The following XKR4 variants were observed in gnomAD, a reference collection of about 807,000 sequenced individuals.
The protein encoded by XKR4 is XK related 4.
A neutral mutation model predicts 53.9 loss-of-function variants in XKR4; 12 were observed. That is an observed-to-expected ratio of 0.22 (90% CI 0.14 to 0.36). The LOEUF is 0.36. Ranked by LOEUF, XKR4 falls within the 10% of genes least tolerant of loss-of-function variation. The probability of loss-of-function intolerance (pLI) is 1.00; values close to 1 mark genes in which losing one functional copy is unlikely to be tolerated. For synonymous variants in XKR4, 354 were observed against 362.4 expected (o/e 0.98, Z 0.26); for missense variants, 799 against 859.5 (o/e 0.93, Z 0.88).
At chr8:55,470,311 G>A (rs1237655720) in intron 2 of XKR4, among the ~76,000 whole-genome samples, 3 of 152,092 alleles carry the variant, frequency 2.0e-5, no homozygotes, top group African/African-American at 7.3e-5. Flanking sequence ...TTTAATTGTA[G>A]CTCTCATAAT....
At chr8:55,111,621 C>G (rs1209642912) in intron 1 of XKR4, among the ~76,000 whole-genome samples, 1 of 152,168 alleles carries the variant, frequency 6.6e-6, no homozygotes, top group East Asian at 1.9e-4. Context: ...TCATTAAAAA[C>G]ACATATCTAC....
At chr8:55,451,163 CG>C in intron 2 of XKR4, 5 of 535,580 alleles carry the variant, frequency 9.3e-6, no homozygotes, top group South Asian at 2.1e-5. Context: ...GGTCGGGGGC[CG>C]GGGGACACCC....
intron 2 of XKR4, among the ~76,000 whole-genome samples, chr8:55,465,297 C>T (rs1310239538): frequency 3.9e-5 from 6 of 152,028 alleles, no homozygotes; most frequent in Non-Finnish European, 7.3e-5. Flanking sequence ...AGATATAGAC[C>T]AAAGGAACAT....
At chr8:55,428,286 T>C (rs1036059556) in intron 2 of XKR4, among the ~76,000 whole-genome samples, 7 of 152,172 alleles carry the variant, frequency 4.6e-5, no homozygotes, top group African/African-American at 9.7e-5. Context: ...CCCTGAGTTT[T>C]CTTTTTGCCT....
chr8:55,430,325 A>G (rs1352144811), intron 2 of XKR4, among the ~76,000 whole-genome samples: 2 of 152,218 alleles, frequency 1.3e-5, no homozygotes, highest in African/African-American at 2.4e-5. Flanking sequence ...AATTAAAAAT[A>G]TGTCCACACA....
intron 1 of XKR4, among the ~76,000 whole-genome samples, chr8:55,107,301 A>T (rs1052187429): frequency 6.6e-6 from 1 of 152,150 alleles, no homozygotes. Context: ...TGTAGTTAGG[A>T]TTAAAAACGG....
At chr8:55,403,007 C>T (rs1008236444) in intron 2 of XKR4, among the ~76,000 whole-genome samples, 6 of 152,114 alleles carry the variant, frequency 3.9e-5, no homozygotes, top group Non-Finnish European at 5.9e-5. Context: ...GGGTTTGGTT[C>T]CCATCCTACG....
Position 55,412,194 on chromosome 8 carries a change from G to A in XKR4, c.1006+54317G>A, listed in dbSNP as rs561310504. Among the ~76,000 whole-genome samples, 140 of 152,220 alleles carry A rather than the reference G, an allele frequency of 9.2e-4. 1 individual carries two copies. The highest frequency in any genetic ancestry group is 3.1e-3 in the African/African-American group (130 of 41,552). ...AGGAGACAGGAGGGAGAGCTGGCTCGTTTGTGGACTGAGCCCAAAACCAAC... is the reference window on the plus strand; with the variant it reads ...AGGAGACAGGAGGGAGAGCTGGCTCATTTGTGGACTGAGCCCAAAACCAAC... On this transcript the variant is annotated intron_variant, in intron 2 of 2. Transcript: ENST00000327381.
intron 1 of XKR4, among the ~76,000 whole-genome samples, chr8:55,182,310 G>T (rs1332596826): frequency 6.6e-6 from 1 of 151,752 alleles, no homozygotes; most frequent in Non-Finnish European, 1.5e-5. Flanking sequence ...ATCACACTTT[G>T]GGTGCATTTC....
In XKR4 at chr8:55,275,264, A is replaced by T. The variant is rs146726317; in HGVS notation, c.807-82414A>T. Among the ~76,000 whole-genome samples, 636 of 152,318 alleles carry T rather than the reference A, an allele frequency of 4.2e-3. 8 individuals carry two copies. The highest frequency in any genetic ancestry group is 0.014 in the African/African-American group (596 of 41,576). ...CATGTGATTAAAATATAATATTCTT[A>T]TAAGTCTATCTTATATCCTATTGTT... On this transcript the variant is annotated intron_variant, in intron 1 of 2. Transcript: ENST00000327381.
At chr8:55,451,167 G>A (rs890894814) in intron 2 of XKR4, 5 of 544,630 alleles carry the variant, frequency 9.2e-6, no homozygotes, top group Non-Finnish European at 1.6e-5. Flanking sequence ...GGGGGCCGGG[G>A]GACACCCGTT....
chr8:55,172,727 G>T (rs990616916), intron 1 of XKR4, among the ~76,000 whole-genome samples: 3 of 152,182 alleles, frequency 2.0e-5, no homozygotes, highest in Non-Finnish European at 4.4e-5. Context: ...AAATGTTCTT[G>T]CATGATTATC....
chr8:55,288,781 A>G (rs2129374972), intron 1 of XKR4, among the ~76,000 whole-genome samples: 1 of 152,322 alleles, frequency 6.6e-6, no homozygotes, highest in South Asian at 2.1e-4. Flanking sequence ...ATCCAACACA[A>G]GGGTCCCTCA....
At chr8:55,200,067 T>A (rs747564683) in intron 1 of XKR4, among the ~76,000 whole-genome samples, 1 of 152,146 alleles carries the variant, frequency 6.6e-6, no homozygotes, top group Non-Finnish European at 1.5e-5. Flanking sequence ...TAAATCTGTA[T>A]CCTTTTTTCT....
At chr8:55,438,860 T>C (rs2622597) in intron 2 of XKR4, among the ~76,000 whole-genome samples, 50,624 of 151,980 alleles carry the variant, frequency 0.33, 8,638 homozygotes, top group African/African-American at 0.4. Context: ...ACAAGTATGA[T>C]GCTAGCTTTC....
chr8:55,104,620 GAGCTTTGTAA>G (rs971159797), intron 1 of XKR4, among the ~76,000 whole-genome samples: 1 of 152,006 alleles, frequency 6.6e-6, no homozygotes, highest in Non-Finnish European at 1.5e-5. Flanking sequence ...CCTGGGACCA[GAGCTTTGTAA>G]AGCAGACTGA....
At chr8:55,145,071 A>T (rs1257055406) in intron 1 of XKR4, among the ~76,000 whole-genome samples, 1 of 152,000 alleles carries the variant, frequency 6.6e-6, no homozygotes, top group Non-Finnish European at 1.5e-5. Context: ...GCCTCCAGGG[A>T]TCCGCCCGCC....
At chr8:55,171,324 A>G (rs1020514317) in intron 1 of XKR4, among the ~76,000 whole-genome samples, 3 of 152,204 alleles carry the variant, frequency 2.0e-5, no homozygotes, top group Non-Finnish European at 4.4e-5. Context: ...TGGGAGACAC[A>G]ATGGAGAGAA....
chr8:55,451,970 C>A, intron 2 of XKR4: 1 of 775,130 alleles, frequency 1.3e-6, no homozygotes, highest in South Asian at 1.4e-5. Flanking sequence ...TGGGGTTGTA[C>A]TTCTTGCGAG....
Sources: gnomAD v4.1 joint callset for allele counts (sites outside exome capture counted in the v4.1 genomes callset) on GRCh38, gnomAD v4.1.1 for gene constraint, MANE v1.5 for transcripts, NCBI Gene and HGNC (gene_info 2026-07-23, HGNC 2026-07-21) for gene names.